The following HDAC4 variants were observed in gnomAD, a reference collection of about 807,000 sequenced individuals.
HDAC4 encodes histone deacetylase 4.
Under a neutral mutation model 135.1 loss-of-function variants are expected in HDAC4, and 16 were observed. That is an observed-to-expected ratio of 0.12 (90% confidence interval 0.08 to 0.18). HDAC4 has a LOEUF of 0.18. HDAC4 is among the 10% of genes least tolerant of loss of function. HDAC4 has a pLI of 1.00. For synonymous variants in HDAC4, 685 were observed against 653.4 expected, an observed-to-expected ratio of 1.05 and a Z score of -0.74; for missense variants, 1,143 against 1,511.8, an observed-to-expected ratio of 0.76 and a Z score of 4.05.
intron 1 of HDAC4, among the ~76,000 whole-genome samples, chr2:239,355,681 T>C (rs556558896): frequency 2.6e-5 from 4 of 152,346 alleles, no homozygotes; most frequent in South Asian, 2.1e-4. Context: ...ATACCCTTTT[T>C]TTGACAGGTC....
At chr2:239,160,016 C>T (rs1274060072) in intron 6 of HDAC4, among the ~76,000 whole-genome samples, 1 of 152,244 alleles carries the variant, frequency 6.6e-6, no homozygotes, top group Non-Finnish European at 1.5e-5. Flanking sequence ...TCAACCATTT[C>T]AGTTCCAAAC....
intron 24 of HDAC4, 144 bp downstream of exon 24, chr2:239,066,578 G>A (rs1197720900): frequency 6.7e-6 from 7 of 1,040,422 alleles, no homozygotes; most frequent in Non-Finnish European, 1.0e-5. Context: ...CGGGGGTGGG[G>A]GGCAGGTGCA....
intron 7 of HDAC4, among the ~76,000 whole-genome samples, chr2:239,151,888 G>A (rs554910193): frequency 6.6e-6 from 1 of 152,318 alleles, no homozygotes; most frequent in African/African-American, 2.4e-5. Context: ...AGGGACACAT[G>A]AGGATGCTGG....
rs1439729914 is a variant in HDAC4, at chr2:239,054,729, C to CTGG, written c.3088+19_3088+20insCCA. 7.1e-6 allele frequency: 11 copies of CTGG among 1,554,592 alleles called. No homozygotes were observed. The highest frequency in any genetic ancestry group is 9.8e-6 in the Non-Finnish European group (11 of 1,125,816). On this transcript the variant is annotated intron_variant, in intron 25 of 26. Transcript: ENST00000543185. ...CCCCCAGGGGCGTGTCCCCTGTGAG[C>CTGG]ACCCAGCCAGGCAACTTACTGTGGA...
At chr2:239,114,639 G>A (rs1407514355) in intron 13 of HDAC4, among the ~76,000 whole-genome samples, 1 of 152,126 alleles carries the variant, frequency 6.6e-6, no homozygotes, top group Non-Finnish European at 1.5e-5. Flanking sequence ...AGCACCTCTG[G>A]GTCACAAAAG....
chr2:239,083,855 G>A (rs1027669890), intron 20 of HDAC4, among the ~76,000 whole-genome samples: 1 of 152,202 alleles, frequency 6.6e-6, no homozygotes, highest in Non-Finnish European at 1.5e-5. Context: ...TGTGGACACA[G>A]CCTCCTCCCC....
intron 1 of HDAC4, among the ~76,000 whole-genome samples, chr2:239,361,361 G>T (rs1034205134): frequency 1.3e-5 from 2 of 152,216 alleles, no homozygotes; most frequent in Non-Finnish European, 2.9e-5. Context: ...TTAAGGATCT[G>T]ATATCAAAGA....
intron 17 of HDAC4, among the ~76,000 whole-genome samples, chr2:239,090,626 C>A (rs59188703): frequency 0.012 from 1,737 of 147,286 alleles, 30 homozygotes; most frequent in African/African-American, 0.041. Context: ...CTGGGTAACA[C>A]AGTGAGGCTC....
rs752407147 is a variant in HDAC4, at chr2:239,126,561, G to C, written c.1428C>G (p.Pro476=). The change falls in exon 12 of 27, where the codon CCC becomes CCG. Residue 476 remains proline, a synonymous_variant. Transcript: ENST00000543185. Reference sequence around the variant, plus strand: ...GGTGCTGCAGAGCCTGGGCGTTCTGGGGCAGCGGGGCCGACTGGGTCCGCC... The same window carrying C: ...GGTGCTGCAGAGCCTGGGCGTTCTGCGGCAGCGGGGCCGACTGGGTCCGCC... ...PLGRTQSAPL[P]QNAQALQHLV... 1 of 1,613,740 alleles carries C rather than the reference G, an allele frequency of 6.2e-7. No homozygotes were observed. Among genetic ancestry groups the C allele is most frequent in the Non-Finnish European group, 8.5e-7 (1 of 1,179,912 alleles).
At chr2:239,114,870 G>A (rs2038990755) in intron 13 of HDAC4, among the ~76,000 whole-genome samples, 183 bp downstream of exon 13, 1 of 152,148 alleles carries the variant, frequency 6.6e-6, no homozygotes. Flanking sequence ...CCCTAGGAAC[G>A]GCTGGGACAA....
intron 2 of HDAC4, among the ~76,000 whole-genome samples, chr2:239,284,426 G>A (rs940277711): frequency 2.0e-5 from 3 of 152,192 alleles, no homozygotes; most frequent in African/African-American, 4.8e-5. Context: ...GACCCTCCGC[G>A]GGGCCTCGGG....
At chr2:239,103,960 C>T (rs1180486593) in intron 15 of HDAC4, among the ~76,000 whole-genome samples, 3 of 152,300 alleles carry the variant, frequency 2.0e-5, no homozygotes, top group Non-Finnish European at 2.9e-5. Flanking sequence ...TGGGCAGGGA[C>T]GGATGCTCTG....
At chr2:239,347,581 T>C (rs1347704193) in intron 2 of HDAC4, among the ~76,000 whole-genome samples, 1 of 152,174 alleles carries the variant, frequency 6.6e-6, no homozygotes, top group African/African-American at 2.4e-5. Flanking sequence ...AGTGGCACCA[T>C]CTCGGCTCAC....
At chr2:239,271,198 C>G (rs970202616) in intron 2 of HDAC4, among the ~76,000 whole-genome samples, 1 of 152,146 alleles carries the variant, frequency 6.6e-6, no homozygotes, top group African/African-American at 2.4e-5. Flanking sequence ...ACTGCAGCCT[C>G]GACTTCCTGG....
intron 21 of HDAC4, among the ~76,000 whole-genome samples, chr2:239,081,421 C>G (rs1047642418): frequency 2.6e-5 from 4 of 152,196 alleles, no homozygotes; most frequent in Admixed American, 1.3e-4. Context: ...CTGCTGTAGG[C>G]TCTCGCCGAC....
intron 2 of HDAC4, among the ~76,000 whole-genome samples, chr2:239,334,478 G>A (rs1167486939): frequency 6.6e-6 from 1 of 151,946 alleles, no homozygotes; most frequent in African/African-American, 2.4e-5. Context: ...TTGAGATTGT[G>A]CCACTGCGCT....
chr2:239,203,627 TGTGGTGACTGCC>T (rs754773579), intron 3 of HDAC4, among the ~76,000 whole-genome samples: 4 of 151,910 alleles, frequency 2.6e-5, no homozygotes, highest in Non-Finnish European at 5.9e-5. Flanking sequence ...AAAAGGAGGG[TGTGGTGACTGCC>T]GTGGTGACTG....
Position 239,078,747 on chromosome 2 carries a change from T to C in HDAC4, c.2750+2348A>G, listed in dbSNP as rs576164833. Among the ~76,000 whole-genome samples, 3 of 152,184 alleles carry C rather than the reference T, an allele frequency of 2.0e-5. No homozygotes were observed. The South Asian group carries it at 6.2e-4, about 32-fold the overall frequency. ...CTGACGGCAGACGCCCATTGCTGCTTTGGGCCTGGGCTTGCCCGCCAGCAG... is the reference window on the plus strand; with the variant it reads ...CTGACGGCAGACGCCCATTGCTGCTCTGGGCCTGGGCTTGCCCGCCAGCAG... On this transcript the variant is annotated intron_variant, in intron 22 of 26. Transcript: ENST00000543185.
intron 2 of HDAC4, among the ~76,000 whole-genome samples, 196 bp from the exon 3 acceptor site, chr2:239,236,860 C>T (rs1180380842): frequency 7.6e-6 from 1 of 132,190 alleles, no homozygotes; most frequent in Non-Finnish European, 1.6e-5. Context: ...TAGCCTCCTA[C>T]TGAGATATGG....
Sources: gnomAD v4.1 joint callset for allele counts (sites outside exome capture counted in the v4.1 genomes callset) on GRCh38, gnomAD v4.1.1 for gene constraint, MANE v1.5 for transcripts, NCBI Gene and HGNC (gene_info 2026-07-23, HGNC 2026-07-21) for gene names.